The following MACROD1 variants were observed in gnomAD, a reference collection of about 807,000 sequenced individuals.
The protein encoded by MACROD1 is mono-ADP ribosylhydrolase 1, also known as ADP-ribose glycohydrolase MACROD1.
A neutral mutation model predicts 41.4 loss-of-function variants in MACROD1; 31 were observed. The observed-to-expected ratio is 0.75, with a 90% CI of 0.56 to 1.01. The LOEUF is 1.01. Ranked by LOEUF, MACROD1 falls within the 50% of genes least tolerant of loss-of-function variation. The pLI is 0.00. For synonymous variants in MACROD1, 252 were observed against 203.4 expected (o/e 1.24, Z -2.03); for missense variants, 473 against 460.0 (o/e 1.03, Z -0.26).
At chr11:64,020,319 G>C (rs778942039) in intron 3 of MACROD1, among the ~76,000 whole-genome samples, 12 of 152,202 alleles carry the variant, frequency 7.9e-5, no homozygotes, top group Admixed American at 6.5e-4. Flanking sequence ...GCTGAGACAC[G>C]GAAAGTGATC....
chr11:64,146,039 G>C lies in MACROD1; in HGVS notation c.517+5200C>G, dbSNP rs180990426. Among the ~76,000 whole-genome samples the C allele has an allele frequency of 6.6e-6, 1 of 151,604 alleles. No individual in the cohort carries two copies. Among genetic ancestry groups the C allele is most frequent in the African/African-American group, 2.4e-5 (1 of 41,212 alleles). ...CCCGCCTCGGCCTCCCAAAGTGCTA[G>C]GATAACAGGCGTGAGCCACCGTGCC... On this transcript the variant is annotated intron_variant, in intron 3 of 10. Transcript: ENST00000255681. The surrounding 1 kb of genome is among the most constrained non-coding windows in gnomAD (Gnocchi z 4.7).
intron 3 of MACROD1, among the ~76,000 whole-genome samples, chr11:64,111,304 G>T (rs1023190012): frequency 1.3e-5 from 2 of 152,232 alleles, no homozygotes; most frequent in African/African-American, 2.4e-5. Flanking sequence ...AGACCAGGTT[G>T]GGGGTAATCC....
At position 63,998,612 on chromosome 11, in the gene MACROD1, A is replaced by C. The variant is rs1003759348; in HGVS notation, c.*106T>G. 3 of 1,271,822 alleles carry C rather than the reference A, an allele frequency of 2.4e-6. No individual in the cohort carries two copies. In the African/African-American group the frequency reaches 4.7e-5, roughly 20 times the overall value. 78.8% of individuals were successfully genotyped at this position (1,271,822 alleles called of 1,614,324 possible). A position where few individuals can be genotyped will look rare whatever the true frequency, so the allele number is the denominator to read the frequency against. On this transcript the variant is annotated 3_prime_UTR_variant, in exon 11 of 11. Coordinates refer to ENST00000255681, the MANE Select transcript of MACROD1 (RefSeq NM_014067.4). ...CGGGGGCGGGGCGCGGAGGGAAAGAAGGGGTGGCCAGGCCCAGGCCAGGCT... is the reference window on the plus strand; with the variant it reads ...CGGGGGCGGGGCGCGGAGGGAAAGACGGGGTGGCCAGGCCCAGGCCAGGCT...
chr11:64,038,497 G>A (rs1182366759), intron 3 of MACROD1, among the ~76,000 whole-genome samples: 1 of 152,184 alleles, frequency 6.6e-6, no homozygotes, highest in Non-Finnish European at 1.5e-5. Context: ...GGACGGAGAG[G>A]TGGGTGTAGA....
intron 3 of MACROD1, among the ~76,000 whole-genome samples, chr11:64,113,478 ATGGATGGATGGATGGATGGT>A (rs1479070497): frequency 2.7e-5 from 4 of 148,854 alleles, no homozygotes; most frequent in Admixed American, 1.3e-4. Flanking sequence ...TGATGCATAT[ATGGATGGATGGATGGATGGT>A]TGGATGGATG....
At chr11:64,040,127 G>A (rs1471303395) in intron 3 of MACROD1, among the ~76,000 whole-genome samples, 1 of 152,282 alleles carries the variant, frequency 6.6e-6, no homozygotes, top group African/African-American at 2.4e-5. Flanking sequence ...AACAAAAGCA[G>A]TGGGTGTCTT....
intron 3 of MACROD1, among the ~76,000 whole-genome samples, chr11:64,110,314 G>A (rs1944838421): frequency 2.6e-5 from 4 of 152,044 alleles, no homozygotes. Context: ...GCTGGGTGTG[G>A]TGGTGCAGCA....
At chr11:64,056,950 C>G (rs1322078916) in intron 3 of MACROD1, among the ~76,000 whole-genome samples, 3 of 152,212 alleles carry the variant, frequency 2.0e-5, no homozygotes, top group Non-Finnish European at 4.4e-5. Context: ...TCCTTTGCTC[C>G]CAGCTTCCCC....
chr11:64,030,348 C>T (rs1382293624), intron 3 of MACROD1, among the ~76,000 whole-genome samples: 3 of 152,272 alleles, frequency 2.0e-5, no homozygotes, highest in East Asian at 1.9e-4. Context: ...GCCTGATGCT[C>T]GCTCCTGTTT....
At chr11:64,136,900 G>A (rs1032824865) in intron 3 of MACROD1, among the ~76,000 whole-genome samples, 4 of 152,202 alleles carry the variant, frequency 2.6e-5, no homozygotes, top group African/African-American at 9.6e-5. Context: ...GGAAGTGGGG[G>A]TGCCAGCCCC....
At position 64,143,801 on chromosome 11, in the gene MACROD1, C is replaced by CACACACACACACAA. The variant is rs762084927; in HGVS notation, c.517+7437_517+7438insTTGTGTGTGTGTGT. ...ACACACACACACACACACACACACA[C>CACACACACACACAA]AATTTCCTGGGGGCTCTGGAGCTCG... is the stretch of plus-strand genomic sequence containing the variant. On this transcript the variant is annotated intron_variant, in intron 3 of 10. Transcript: ENST00000255681. Among the ~76,000 whole-genome samples, 165 of 144,964 alleles carry CACACACACACACAA rather than the reference C, an allele frequency of 1.1e-3. 1 individual carries two copies. The highest frequency in any genetic ancestry group is 1.0e-3 in the Non-Finnish European group (66 of 64,886).
intron 3 of MACROD1, among the ~76,000 whole-genome samples, chr11:64,142,535 C>A (rs1046161522): frequency 5.3e-5 from 8 of 152,272 alleles, no homozygotes; most frequent in Admixed American, 4.6e-4. Flanking sequence ...TTCTGAGTGC[C>A]GCCCCCCAGC....
chr11:64,000,680 C>G (rs971002917), intron 4 of MACROD1, among the ~76,000 whole-genome samples: 4 of 145,110 alleles, frequency 2.8e-5, no homozygotes, highest in Non-Finnish European at 6.1e-5. Flanking sequence ...GGACAGGAAC[C>G]GCCGCCCGAG....
At chr11:64,002,664 A>AC (rs936098524) in intron 4 of MACROD1, among the ~76,000 whole-genome samples, 5 of 151,912 alleles carry the variant, frequency 3.3e-5, no homozygotes, top group African/African-American at 9.7e-5. Context: ...GCAGAGGGGA[A>AC]CCCCCCCACC....
chr11:64,103,811 G>A (rs1165681500), intron 3 of MACROD1: 1 of 152,248 alleles, frequency 6.6e-6, no homozygotes, highest in African/African-American at 2.4e-5. Context: ...CTGGGGTCCA[G>A]AGGGGTGTCC....
At chr11:64,163,516 A>C (rs1945788485) in intron 1 of MACROD1, among the ~76,000 whole-genome samples, 1 of 152,168 alleles carries the variant, frequency 6.6e-6, no homozygotes, top group South Asian at 2.1e-4. Context: ...CTCGTGGAGC[A>C]TATGCTCTGG....
rs1410357508 is a variant in MACROD1, at chr11:64,064,058, A to C, written c.518-48777T>G. ...ATCTTTGTAGGTTAGCCAGCTTTGA[A>C]CAGCGACACCCACACAAACCCGAGG... is the stretch of plus-strand genomic sequence containing the variant. On this transcript the variant is annotated intron_variant, in intron 3 of 10. Coordinates refer to ENST00000255681, the MANE Select transcript of MACROD1 (RefSeq NM_014067.4). This position sits in a 1 kb window ranked among gnomAD's most constrained non-coding sequence, Gnocchi z 4.5. 6.6e-6 allele frequency among the ~76,000 whole-genome samples: 1 copy of C among 152,132 alleles called. No individual in the cohort carries two copies. Among genetic ancestry groups the C allele is most frequent in the Non-Finnish European group, 1.5e-5 (1 of 68,016 alleles).
intron 3 of MACROD1, among the ~76,000 whole-genome samples, chr11:64,023,831 C>T (rs528511642): frequency 6.6e-6 from 1 of 152,310 alleles, no homozygotes; most frequent in South Asian, 2.1e-4. Context: ...ATCGAGGCAT[C>T]CCACCCCCAC....
rs564377790 is a variant in MACROD1, at chr11:64,118,606, T to C, written c.517+32633A>G. The C allele has an allele frequency of 2.0e-3, 479 of 234,380 alleles. 5 individuals carry two copies. The highest frequency in any genetic ancestry group is 0.018 in the East Asian group (233 of 12,932). 14.5% of individuals were successfully genotyped at this position (234,380 alleles called of 1,614,324 possible). On this transcript the variant is annotated intron_variant, in intron 3 of 10. Coordinates refer to ENST00000255681, the MANE Select transcript of MACROD1 (RefSeq NM_014067.4). ...AGGGCTGGGTTGGGTTTTTTTTTTT[T>C]CCCCCCTGAACTGGAAGGATACTAC... is the stretch of plus-strand genomic sequence containing the variant.
Sources: gnomAD v4.1 joint callset for allele counts (sites outside exome capture counted in the v4.1 genomes callset) on GRCh38, gnomAD v4.1.1 for gene constraint, Gnocchi (gnomAD v3.1) non-coding constraint, MANE v1.5 for transcripts, NCBI Gene and HGNC (gene_info 2026-07-23, HGNC 2026-07-21) for gene names.